STK32B: variants seen among roughly 807,000 people sequenced by gnomAD.
STK32B encodes the protein serine/threonine-protein kinase 32B.
Under a neutral mutation model 52.6 loss-of-function variants are expected in STK32B, and 43 were observed. The ratio of observed to expected loss-of-function variants is 0.82; its 90% CI spans 0.64 to 1.05. STK32B has a LOEUF of 1.05. Ranked by LOEUF, STK32B falls within the 50% of genes least tolerant of loss-of-function variation. The pLI, the probability that STK32B is intolerant of heterozygous loss-of-function variation, is 0.00. For missense variants in STK32B, 621 were observed against 534.6 expected (o/e 1.16, Z -1.59); for synonymous variants, 238 against 204.3 (o/e 1.17, Z -1.41).
intron 2 of STK32B, among the ~76,000 whole-genome samples, chr4:5,161,277 A>G (rs1718422869): frequency 6.6e-6 from 1 of 152,210 alleles, no homozygotes. Flanking sequence ...ATGTGCTGTG[A>G]AAAGTCATAA....
chr4:5,085,237 A>G (rs559449961), intron 1 of STK32B, among the ~76,000 whole-genome samples: 1 of 152,338 alleles, frequency 6.6e-6, no homozygotes, highest in South Asian at 2.1e-4. Flanking sequence ...AATAGGAAAT[A>G]TGTTGTGTGG....
chr4:5,056,245 A>G lies in STK32B; in HGVS notation c.52+4330A>G, dbSNP rs73089608. ...TCCTGAAACTATCCTCCCTCTGTCC[A>G]TAGAAAATTTGTCTTCCATGAAACG... On this transcript the variant is annotated intron_variant, in intron 1 of 11. Coordinates refer to ENST00000282908, the MANE Select transcript of STK32B (RefSeq NM_018401.3). 2.8e-3 allele frequency among the ~76,000 whole-genome samples: 423 copies of G among 152,272 alleles called. 3 individuals carry two copies. Among genetic ancestry groups the G allele is most frequent in the African/African-American group, 9.8e-3 (407 of 41,552 alleles).
chr4:5,022,210 C>G, the STK32B span, among the ~76,000 whole-genome samples: 6 of 152,192 alleles, frequency 3.9e-5, no homozygotes, highest in Admixed American at 3.9e-4. Flanking sequence ...CCATGCCCTT[C>G]TCTAGGAGAG....
chr4:5,416,087 C>T (rs1712138295), intron 5 of STK32B, among the ~76,000 whole-genome samples: 1 of 152,136 alleles, frequency 6.6e-6, no homozygotes, highest in South Asian at 2.1e-4. Flanking sequence ...GCTTTCTGAG[C>T]TGGAGTCTTA....
intron 3 of STK32B, among the ~76,000 whole-genome samples, chr4:5,313,568 T>C (rs961705597): frequency 6.6e-6 from 1 of 151,830 alleles, no homozygotes; most frequent in African/African-American, 2.4e-5. Flanking sequence ...TAGAACTGTC[T>C]CTATTTTCAG....
rs1475398672 is a variant in STK32B at position 5,051,727 on chromosome 4, C to T, written c.-137C>T. On this transcript the variant is annotated 5_prime_UTR_variant, in exon 1 of 12. Transcript: ENST00000282908. Reference sequence around the variant, plus strand: ...GCCGTCCCCGCCCCTGCACGGTGCTCGGCCCCCTCGGGCTCCGCGCGCGGC... The same window carrying T: ...GCCGTCCCCGCCCCTGCACGGTGCTTGGCCCCCTCGGGCTCCGCGCGCGGC... 3.4e-6 allele frequency: 4 copies of T among 1,174,270 alleles called. No homozygotes were observed. Among genetic ancestry groups the T allele is most frequent in the East Asian group, 5.3e-5 (2 of 37,468 alleles). 72.7% of individuals were successfully genotyped at this position (1,174,270 alleles called of 1,614,324 possible). A position where few individuals can be genotyped will look rare whatever the true frequency, so the allele number is the denominator to read the frequency against.
At chr4:5,027,477 T>C in the STK32B span, among the ~76,000 whole-genome samples, 1 of 152,166 alleles carries the variant, frequency 6.6e-6, no homozygotes, top group Non-Finnish European at 1.5e-5. Context: ...CTACAGGCTT[T>C]GGAGTAATAC....
intron 9 of STK32B, among the ~76,000 whole-genome samples, chr4:5,461,313 C>G (rs968536979): frequency 6.6e-6 from 1 of 152,134 alleles, no homozygotes; most frequent in Non-Finnish European, 1.5e-5. Flanking sequence ...GGTGGAGACT[C>G]CAGCCTGGAA....
At chr4:5,368,284 G>T (rs1184171808) in intron 4 of STK32B, among the ~76,000 whole-genome samples, 1 of 151,222 alleles carries the variant, frequency 6.6e-6, no homozygotes, top group East Asian at 1.9e-4. Context: ...CATGAGTTAG[G>T]TCTACTATTA....
intron 1 of STK32B, among the ~76,000 whole-genome samples, chr4:5,118,842 G>A (rs1224179183): frequency 6.6e-6 from 1 of 152,130 alleles, no homozygotes; most frequent in African/African-American, 2.4e-5. Context: ...AGTAACTAGG[G>A]TGACTTCACA....
intron 11 of STK32B, among the ~76,000 whole-genome samples, chr4:5,488,913 G>A (rs1343242091): frequency 4.6e-5 from 7 of 151,704 alleles, no homozygotes; most frequent in Non-Finnish European, 7.4e-5. Context: ...TATATTTTAT[G>A]TCTGTCTTAT....
intron 5 of STK32B, among the ~76,000 whole-genome samples, chr4:5,403,479 A>T (rs1737451567): frequency 6.6e-6 from 1 of 152,136 alleles, no homozygotes; most frequent in Non-Finnish European, 1.5e-5. Flanking sequence ...TCCCCTGCCC[A>T]TGACATAGCC....
At chr4:5,255,123 T>G (rs1429071490) in intron 3 of STK32B, among the ~76,000 whole-genome samples, 1 of 152,136 alleles carries the variant, frequency 6.6e-6, no homozygotes, top group Non-Finnish European at 1.5e-5. Context: ...TATGTTACTT[T>G]AAACTGAGAT....
At chr4:5,484,085 C>A (rs912744876) in intron 11 of STK32B, among the ~76,000 whole-genome samples, 2 of 152,148 alleles carry the variant, frequency 1.3e-5, no homozygotes, top group African/African-American at 2.4e-5. Context: ...GTGGAGAGTT[C>A]TGTAGATGTC....
At chr4:5,130,462 C>CG (rs1560167028) in intron 1 of STK32B, among the ~76,000 whole-genome samples, 1 of 152,010 alleles carries the variant, frequency 6.6e-6, no homozygotes, top group African/African-American at 2.4e-5. Context: ...CTTGGGCTGT[C>CG]GGCTTTGAGA....
At chr4:5,185,196 T>G (rs1184591141) in intron 3 of STK32B, among the ~76,000 whole-genome samples, 3 of 152,232 alleles carry the variant, frequency 2.0e-5, no homozygotes, top group Non-Finnish European at 4.4e-5. Context: ...TTGGCTGTAT[T>G]TACTAGACTC....
chr4:5,252,320 T>G (rs945255790), intron 3 of STK32B, among the ~76,000 whole-genome samples: 4 of 152,204 alleles, frequency 2.6e-5, no homozygotes, highest in African/African-American at 7.2e-5. Flanking sequence ...AACCTCCAAT[T>G]CTTATAAGAA....
At chr4:5,475,230 G>A (rs1311548576) in intron 11 of STK32B, among the ~76,000 whole-genome samples, 2 of 152,018 alleles carry the variant, frequency 1.3e-5, no homozygotes, top group African/African-American at 4.8e-5. Flanking sequence ...GACCAGCCTG[G>A]CCAACATGGT....
Position 5,358,652 on chromosome 4 carries a change from A to G in STK32B, c.434+27259A>G, listed in dbSNP as rs1455491927. Among the ~76,000 whole-genome samples, 5 of 152,038 alleles carry G rather than the reference A, an allele frequency of 3.3e-5. No individual in the cohort carries two copies. The East Asian group carries it at 9.6e-4, about 29-fold the overall frequency. The stretch of plus-strand genomic sequence containing the variant: ...TTGGATATTGATAATAGCAGATAGC[A>G]TATTTGGGCTGTTACCTCCAGGACA... On this transcript the variant is annotated intron_variant, in intron 4 of 11. Coordinates refer to ENST00000282908, the MANE Select transcript of STK32B (RefSeq NM_018401.3).
Sources: gnomAD v4.1 joint callset for allele counts (sites outside exome capture counted in the v4.1 genomes callset) on GRCh38, gnomAD v4.1.1 for gene constraint, MANE v1.5 for transcripts, NCBI Gene and HGNC (gene_info 2026-07-23, HGNC 2026-07-21) for gene names.